Variants in PGCKA1 observed in about 807,000 individuals in gnomAD.
PGCKA1 encodes PDCD10 and GCKIII kinases associated 1.
At chr4:37,468,744 C>CA in the PGCKA1 span, among the ~76,000 whole-genome samples, 1 of 133,450 alleles carries the variant, frequency 7.5e-6, no homozygotes, top group Admixed American at 7.0e-5. Flanking sequence ...CTCTGTATAC[C>CA]CCCCCACACA....
chr4:37,482,260 A>C, the PGCKA1 span, among the ~76,000 whole-genome samples: 242 of 152,304 alleles, frequency 1.6e-3, 1 homozygote, highest in South Asian at 0.025. Context: ...AGACAGAAAA[A>C]TGTGGGAAAG....
chr4:37,537,821 G>A, the PGCKA1 span, among the ~76,000 whole-genome samples: 2 of 152,182 alleles, frequency 1.3e-5, no homozygotes, highest in African/African-American at 2.4e-5. Flanking sequence ...TATTAGTTGT[G>A]TAACCTTATG....
the PGCKA1 span, among the ~76,000 whole-genome samples, chr4:37,515,403 A>G: frequency 6.6e-6 from 1 of 152,174 alleles, no homozygotes; most frequent in African/African-American, 2.4e-5. Context: ...GGTCCACCCA[A>G]GTTTTCAGGG....
the PGCKA1 span, among the ~76,000 whole-genome samples, chr4:37,523,619 G>C: frequency 6.6e-6 from 1 of 152,130 alleles, no homozygotes; most frequent in Non-Finnish European, 1.5e-5. Context: ...GTTATACGCT[G>C]TCTGTTTTTT....
chr4:37,509,437 C>T, the PGCKA1 span, among the ~76,000 whole-genome samples: 1 of 135,652 alleles, frequency 7.4e-6, no homozygotes, highest in African/African-American at 2.9e-5. Context: ...ACATCTCAGA[C>T]AATGGGCGGC....
At chr4:37,534,731 C>T in the PGCKA1 span, among the ~76,000 whole-genome samples, 15 of 152,174 alleles carry the variant, frequency 9.9e-5, no homozygotes, top group African/African-American at 3.4e-4. Flanking sequence ...GGGCAGCTCC[C>T]TTCAACCTCT....
the PGCKA1 span, among the ~76,000 whole-genome samples, chr4:37,519,324 A>G: frequency 6.6e-6 from 1 of 151,818 alleles, no homozygotes; most frequent in Non-Finnish European, 1.5e-5. Context: ...TGGTATTTCG[A>G]TACAGATTAC....
chr4:37,507,494 A>G, the PGCKA1 span, among the ~76,000 whole-genome samples: 2 of 152,210 alleles, frequency 1.3e-5, no homozygotes, highest in East Asian at 3.9e-4. Context: ...CTGTCTTATA[A>G]CCCATTAGTC....
At chr4:37,503,459 AC>A in the PGCKA1 span, among the ~76,000 whole-genome samples, 1 of 152,128 alleles carries the variant, frequency 6.6e-6, no homozygotes, top group Non-Finnish European at 1.5e-5. Flanking sequence ...CAGCACTGCT[AC>A]CCCACCATCT....
At chr4:37,510,855 CA>C in the PGCKA1 span, among the ~76,000 whole-genome samples, 1 of 151,814 alleles carries the variant, frequency 6.6e-6, no homozygotes, top group Non-Finnish European at 1.5e-5. Context: ...GGACTGGAGT[CA>C]AAAACCTTAG....
At chr4:37,575,516 A>G in the PGCKA1 span, among the ~76,000 whole-genome samples, 2 of 151,656 alleles carry the variant, frequency 1.3e-5, no homozygotes, top group Admixed American at 1.3e-4. Context: ...TGTCAGATGG[A>G]TAGTTTGCAA....
the PGCKA1 span, among the ~76,000 whole-genome samples, chr4:37,515,606 T>C: frequency 1.3e-5 from 2 of 152,262 alleles, no homozygotes; most frequent in Non-Finnish European, 2.9e-5. Context: ...TGATATATTG[T>C]AGTCTACTGT....
At chr4:37,497,709 C>G in the PGCKA1 span, among the ~76,000 whole-genome samples, 1 of 152,046 alleles carries the variant, frequency 6.6e-6, no homozygotes, top group South Asian at 2.1e-4. Flanking sequence ...ATGTCCTTAG[C>G]CCACTTTTTG....
chr4:37,549,167 G>A, the PGCKA1 span, among the ~76,000 whole-genome samples: 1 of 152,210 alleles, frequency 6.6e-6, no homozygotes, highest in Non-Finnish European at 1.5e-5. Flanking sequence ...GAAGTGATGC[G>A]ATGAGCTTAA....
chr4:37,546,498 G>T, the PGCKA1 span, among the ~76,000 whole-genome samples: 6 of 152,214 alleles, frequency 3.9e-5, no homozygotes, highest in Admixed American at 3.9e-4. Flanking sequence ...AATCAATCAC[G>T]ACCCTTTCAC....
chr4:37,583,028 A>T, the PGCKA1 span, among the ~76,000 whole-genome samples: 3 of 152,162 alleles, frequency 2.0e-5, no homozygotes. Context: ...TGTAAGGTAG[A>T]GTGTTCCCTT....
chr4:37,591,102 T>G, the PGCKA1 span: 4 of 961,982 alleles, frequency 4.2e-6, no homozygotes, highest in South Asian at 4.8e-5. Flanking sequence ...CATGCACCAG[T>G]GCAGCCTTAC....
the PGCKA1 span, among the ~76,000 whole-genome samples, chr4:37,577,969 A>G: frequency 6.6e-6 from 1 of 152,198 alleles, no homozygotes; most frequent in African/African-American, 2.4e-5. Context: ...GACCTAACAT[A>G]TGGTCTATCC....
chr4:37,539,596 T>C, the PGCKA1 span, among the ~76,000 whole-genome samples: 10 of 152,268 alleles, frequency 6.6e-5, no homozygotes, highest in East Asian at 3.9e-4. Flanking sequence ...AGAGGTTGCA[T>C]TGAGCTGAGA....
Sources: gnomAD v4.1 joint callset for allele counts (sites outside exome capture counted in the v4.1 genomes callset) on GRCh38, gnomAD v4.1.1 for gene constraint, MANE v1.5 for transcripts, NCBI Gene and HGNC (gene_info 2026-07-23, HGNC 2026-07-21) for gene names.